The following SLC25A21 variants were observed in gnomAD, a reference collection of about 807,000 sequenced individuals.
SLC25A21 encodes the protein mitochondrial 2-oxodicarboxylate carrier.
SLC25A21 carries 47 observed loss-of-function variants against 43.8 expected under a neutral mutation model. The ratio of observed to expected loss-of-function variants is 1.07; its 90% CI spans 0.85 to 1.37. The LOEUF (loss-of-function observed/expected upper bound fraction) is 1.37. Ranked by LOEUF, SLC25A21 falls within the 40% of genes most tolerant of loss-of-function variation. SLC25A21 has a pLI of 0.00. For synonymous variants in SLC25A21, 131 were observed against 121.3 expected, an observed-to-expected ratio of 1.08 and a Z score of -0.52; for missense variants, 352 against 350.2, an observed-to-expected ratio of 1.00 and a Z score of -0.04.
intron 3 of SLC25A21, among the ~76,000 whole-genome samples, chr14:36,784,318 A>G (rs1164313341): frequency 6.6e-6 from 1 of 152,216 alleles, no homozygotes; most frequent in Admixed American, 6.5e-5. Flanking sequence ...AAAAACTTAC[A>G]CATTCATGCA....
At chr14:37,092,017 C>T (rs1365556649) in intron 1 of SLC25A21, among the ~76,000 whole-genome samples, 1 of 152,128 alleles carries the variant, frequency 6.6e-6, no homozygotes, top group Non-Finnish European at 1.5e-5. Flanking sequence ...GTCCCAGTTA[C>T]TAGGGAGGCT....
chr14:36,694,117 G>A (rs1172390765), intron 7 of SLC25A21, among the ~76,000 whole-genome samples: 1 of 150,744 alleles, frequency 6.6e-6, no homozygotes, highest in Non-Finnish European at 1.5e-5. Flanking sequence ...CTGTGTCCAA[G>A]TGATCTCATT....
intron 1 of SLC25A21, among the ~76,000 whole-genome samples, chr14:37,105,180 T>A (rs764332676): frequency 2.6e-5 from 4 of 152,146 alleles, no homozygotes; most frequent in Admixed American, 1.3e-4. Context: ...TAAACAAGTG[T>A]TTTTATCTGA....
At chr14:36,941,641 A>T (rs1036390889) in intron 1 of SLC25A21, among the ~76,000 whole-genome samples, 2 of 151,904 alleles carry the variant, frequency 1.3e-5, no homozygotes, top group Admixed American at 6.6e-5. Context: ...AGAATATATA[A>T]AATTAAATAT....
intron 6 of SLC25A21, 107 bp from the exon 7 acceptor site, chr14:36,711,589 C>T: frequency 7.9e-7 from 1 of 1,264,734 alleles, no homozygotes; most frequent in Non-Finnish European, 1.1e-6. Context: ...GGACTTTTTT[C>T]CCCCAGATAT....
At chr14:36,714,012 A>G (rs1190854255) in intron 6 of SLC25A21, among the ~76,000 whole-genome samples, 1 of 152,138 alleles carries the variant, frequency 6.6e-6, no homozygotes, top group Non-Finnish European at 1.5e-5. Flanking sequence ...CCCTATCTCA[A>G]AACAAAAAAA....
In SLC25A21 at chr14:37,172,505, G is replaced by C; in HGVS notation, c.-155C>G. ...ATCCGGCGACTGCTGGAAAGCGAGG[G>C]TTCGAGGCGCAGATTCGTCGCGCGA... On this transcript the variant is annotated 5_prime_UTR_variant, in exon 1 of 10. Coordinates refer to ENST00000331299, the MANE Select transcript of SLC25A21 (RefSeq NM_030631.4). 1.2e-6 allele frequency: 1 copy of C among 820,340 alleles called. No homozygotes were observed. The highest frequency in any genetic ancestry group is 2.1e-6 in the Non-Finnish European group (1 of 483,456). The allele number at this position is 820,340 out of a possible 1,614,324, so 50.8% of individuals were successfully genotyped here.
At chr14:36,821,581 C>T (rs1046683373) in intron 2 of SLC25A21, among the ~76,000 whole-genome samples, 2 of 152,084 alleles carry the variant, frequency 1.3e-5, no homozygotes, top group Non-Finnish European at 2.9e-5. Context: ...CTTTGGGAGG[C>T]CAAGGCAGCC....
At chr14:36,877,601 C>T (rs1447684864) in intron 1 of SLC25A21, among the ~76,000 whole-genome samples, 2 of 151,998 alleles carry the variant, frequency 1.3e-5, no homozygotes, top group Non-Finnish European at 2.9e-5. Context: ...GGAGGAGGTG[C>T]AATGCTCAGA....
At chr14:37,025,259 C>G (rs530764657) in intron 1 of SLC25A21, among the ~76,000 whole-genome samples, 1 of 152,244 alleles carries the variant, frequency 6.6e-6, no homozygotes, top group East Asian at 1.9e-4. Context: ...TTACTTTGCT[C>G]ATTTCTAAAA....
chr14:36,961,752 G>A (rs1305832585), intron 1 of SLC25A21, among the ~76,000 whole-genome samples: 1 of 152,116 alleles, frequency 6.6e-6, no homozygotes, highest in East Asian at 1.9e-4. Context: ...CTCTTCAAGT[G>A]TCTTGCAAAT....
chr14:37,153,426 C>A (rs1326843187), intron 1 of SLC25A21, among the ~76,000 whole-genome samples: 1 of 152,158 alleles, frequency 6.6e-6, no homozygotes, highest in South Asian at 2.1e-4. Flanking sequence ...TGCCAGGAAG[C>A]GGGTGCTGTC....
intron 1 of SLC25A21, among the ~76,000 whole-genome samples, chr14:36,890,648 T>G (rs934949093): frequency 2.6e-5 from 4 of 152,176 alleles, no homozygotes; most frequent in Non-Finnish European, 1.5e-5. Flanking sequence ...ACAACATCCA[T>G]GAAGTAAATG....
intron 3 of SLC25A21, among the ~76,000 whole-genome samples, chr14:36,803,865 A>G (rs1887950039): frequency 6.6e-6 from 1 of 152,168 alleles, no homozygotes; most frequent in African/African-American, 2.4e-5. Flanking sequence ...GTTATTACTA[A>G]ATTCAACTTC....
intron 1 of SLC25A21, among the ~76,000 whole-genome samples, chr14:36,929,112 A>C (rs1892215400): frequency 6.6e-6 from 1 of 152,184 alleles, no homozygotes; most frequent in Non-Finnish European, 1.5e-5. Flanking sequence ...TAATTTCATA[A>C]CTAATACCAT....
At chr14:36,928,685 A>G (rs146637120) in intron 1 of SLC25A21, among the ~76,000 whole-genome samples, 60 of 152,284 alleles carry the variant, frequency 3.9e-4, no homozygotes, top group African/African-American at 1.3e-3. Flanking sequence ...GAGATTGCCG[A>G]ATTGCTCAGC....
chr14:36,933,828 G>A (rs890696794), intron 1 of SLC25A21, among the ~76,000 whole-genome samples: 1 of 152,164 alleles, frequency 6.6e-6, no homozygotes, highest in South Asian at 2.1e-4. Context: ...ATATACAAGA[G>A]AGCAGAGTAG....
At chr14:36,914,357 C>G (rs574616987) in intron 1 of SLC25A21, among the ~76,000 whole-genome samples, 64 of 152,276 alleles carry the variant, frequency 4.2e-4, no homozygotes, top group African/African-American at 1.5e-3. Context: ...TAAACTCTGA[C>G]AGCTGAAATG....
At position 36,835,582 on chromosome 14, in the gene SLC25A21, C is replaced by G. The variant is rs542199486; in HGVS notation, c.120-21581G>C. Among the ~76,000 whole-genome samples the G allele has an allele frequency of 5.9e-5, 9 of 152,286 alleles. No homozygotes were observed. The South Asian group carries it at 8.3e-4, about 14-fold the overall frequency. On this transcript the variant is annotated intron_variant, in intron 2 of 9. Transcript: ENST00000331299. ...GAAGTCTTAACACAAACGTTTAGCC[C>G]ACAGAAGAGGCACTCTCCCCAAAAC...
Sources: allele counts gnomAD v4.1 joint callset (sites outside exome capture counted in the v4.1 genomes callset), GRCh38; gene constraint gnomAD v4.1.1; transcripts MANE v1.5; gene names NCBI Gene and HGNC (gene_info 2026-07-23, HGNC 2026-07-21).